The following RASSF9 variants were observed in gnomAD, a reference collection of about 807,000 sequenced individuals.
The protein encoded by RASSF9 is Ras association domain family member 9, also known as ras association domain-containing protein 9.
Under a neutral mutation model 21.4 loss-of-function variants are expected in RASSF9, and 18 were observed. The observed-to-expected ratio is 0.84, with a 90% CI of 0.58 to 1.25. RASSF9 has a LOEUF of 1.25. Among genes scored for constraint, RASSF9 ranks in the 50% most tolerant of loss-of-function variants. The pLI is 0.00. For missense variants in RASSF9, 480 were observed against 503.2 expected (o/e 0.95, Z 0.44); for synonymous variants, 183 against 179.1 (o/e 1.02, Z -0.18).
intron 1 of RASSF9, among the ~76,000 whole-genome samples, chr12:85,825,901 G>C (rs1880323344): frequency 6.6e-6 from 1 of 152,122 alleles, no homozygotes; most frequent in Non-Finnish European, 1.5e-5. Context: ...AAGGGTGACT[G>C]CCTTATGTGG....
chr12:85,833,157 G>A (rs1880487339), intron 1 of RASSF9, among the ~76,000 whole-genome samples: 1 of 151,766 alleles, frequency 6.6e-6, no homozygotes, highest in Non-Finnish European at 1.5e-5. Flanking sequence ...ATAATTATGT[G>A]TCCATCTCTT....
chr12:85,807,156 C>A (rs962712266), intron 1 of RASSF9, among the ~76,000 whole-genome samples: 9 of 152,104 alleles, frequency 5.9e-5, no homozygotes, highest in African/African-American at 2.2e-4. Context: ...TATCCATTAT[C>A]AAAAAGAGGC....
intron 1 of RASSF9, among the ~76,000 whole-genome samples, chr12:85,834,840 A>G (rs1033065608): frequency 3.3e-5 from 5 of 152,130 alleles, no homozygotes; most frequent in African/African-American, 1.2e-4. Context: ...ATATTTTAAA[A>G]TGCATTGTCA....
At position 85,803,589 on chromosome 12, in the gene RASSF9, A is replaced by G. The variant is rs1381963384; in HGVS notation, c.*1113T>C. ...GGAGAGAGAAGAAAGCACATTTCTAATTAAAACACAAGCATAGTAGGCCAT... is the reference window on the plus strand; with the variant it reads ...GGAGAGAGAAGAAAGCACATTTCTAGTTAAAACACAAGCATAGTAGGCCAT... On this transcript the variant is annotated 3_prime_UTR_variant, in exon 2 of 2. Transcript: ENST00000361228. 2 of 152,146 alleles carry G rather than the reference A, an allele frequency of 1.3e-5. No homozygotes were observed. The highest frequency in any genetic ancestry group is 4.8e-5 in the African/African-American group (2 of 41,422). 9.4% of individuals were successfully genotyped at this position (152,146 alleles called of 1,614,324 possible).
At position 85,801,787 on chromosome 12, in the gene RASSF9, C is replaced by T. The variant is rs1476923657; in HGVS notation, c.*2915G>A. 6.6e-6 allele frequency: 1 copy of T among 152,094 alleles called. No individual in the cohort carries two copies. The highest frequency in any genetic ancestry group is 2.4e-5 in the African/African-American group (1 of 41,350). The allele number at this position is 152,094 out of a possible 1,614,324, so 9.4% of individuals were successfully genotyped here. On this transcript the variant is annotated 3_prime_UTR_variant, in exon 2 of 2. Coordinates refer to ENST00000361228, the MANE Select transcript of RASSF9 (RefSeq NM_005447.4). ...CCAAGATCGCGCCACTGCACTCCAG[C>T]CTGGGCGACAGAGTGAGACTCCGTC... is the stretch of plus-strand genomic sequence containing the variant.
intron 1 of RASSF9, among the ~76,000 whole-genome samples, chr12:85,833,357 T>C (rs775843972): frequency 4.6e-5 from 7 of 151,950 alleles, no homozygotes; most frequent in Non-Finnish European, 1.0e-4. Context: ...TGGCAGGCAC[T>C]GTCCTGGACA....
At chr12:85,826,619 T>TCAC (rs1315944835) in intron 1 of RASSF9, among the ~76,000 whole-genome samples, 2 of 151,714 alleles carry the variant, frequency 1.3e-5, no homozygotes, top group African/African-American at 4.9e-5. Context: ...GGCTAATTTT[T>TCAC]TGTATTTTTA....
rs60760019 is a variant in RASSF9, at chr12:85,818,956, CAAAAAAAAAAA to C, written c.48-13005_48-12995del. 1.2e-3 allele frequency among the ~76,000 whole-genome samples: 82 copies of C among 66,608 alleles called. No individual in the cohort carries two copies. The South Asian group carries it at 0.033, about 27-fold the overall frequency. 43.7% of individuals were successfully genotyped at this position (66,608 alleles called of 152,430 possible). ...CCTGGGCGAGAGAGCGAGACTCCGT[CAAAAAAAAAAA>C]AAAAAAAAAAAAAGGAACTGTAAAA... On this transcript the variant is annotated intron_variant, in intron 1 of 1. Transcript: ENST00000361228.
At chr12:85,829,772 G>A (rs1197891400) in intron 1 of RASSF9, among the ~76,000 whole-genome samples, 1 of 152,020 alleles carries the variant, frequency 6.6e-6, no homozygotes, top group Non-Finnish European at 1.5e-5. Context: ...CATTTATTGA[G>A]CACCTACTCT....
intron 1 of RASSF9, among the ~76,000 whole-genome samples, chr12:85,832,421 G>C (rs975222239): frequency 6.6e-6 from 1 of 151,740 alleles, no homozygotes; most frequent in Non-Finnish European, 1.5e-5. Context: ...TAACATTCTA[G>C]TTATCTGAAC....
Position 85,805,732 on chromosome 12 carries a change from A to T in RASSF9, c.278T>A (p.Leu93Gln). ...TTTCCAAAGCTTCAGGATTCTAGTT[A>T]GTGGAGGAAGAACCCTTTCGGAGCC... ...WRGSERVLPP[L>Q]TRILKLWKAW... The change falls in exon 2 of 2, where the codon CTA becomes CAA. Residue 93 changes from leucine to glutamine, a missense_variant. Transcript: ENST00000361228. 1 of 1,613,918 alleles carries T rather than the reference A, an allele frequency of 6.2e-7. No individual in the cohort carries two copies. The highest frequency in any genetic ancestry group is 1.1e-5 in the South Asian group (1 of 91,086).
chr12:85,828,251 T>C (rs764110450), intron 1 of RASSF9, among the ~76,000 whole-genome samples: 37 of 152,228 alleles, frequency 2.4e-4, no homozygotes, highest in South Asian at 6.2e-4. Context: ...GAACATCATG[T>C]ATATTTTTTT....
chr12:85,823,902 ATT>A (rs1880270925), intron 1 of RASSF9, among the ~76,000 whole-genome samples: 1 of 152,146 alleles, frequency 6.6e-6, no homozygotes, highest in African/African-American at 2.4e-5. Flanking sequence ...CCAGCCACTA[ATT>A]TGGGGAGTGT....
chr12:85,820,692 G>A (rs1212081074), intron 1 of RASSF9, among the ~76,000 whole-genome samples: 2 of 152,082 alleles, frequency 1.3e-5, no homozygotes, highest in African/African-American at 4.8e-5. Flanking sequence ...ATGCTGATGG[G>A]ATCTCTTACA....
chr12:85,816,279 A>G (rs1468574381), intron 1 of RASSF9, among the ~76,000 whole-genome samples: 1 of 151,404 alleles, frequency 6.6e-6, no homozygotes, highest in African/African-American at 2.4e-5. Flanking sequence ...TATGTAACAA[A>G]CCTGCACTTG....
chr12:85,829,661 T>C (rs1009732926), intron 1 of RASSF9, among the ~76,000 whole-genome samples: 1 of 152,104 alleles, frequency 6.6e-6, no homozygotes, highest in Admixed American at 6.6e-5. Flanking sequence ...CTGTTGCCTG[T>C]GGGAGTTTAA....
chr12:85,810,625 A>G (rs1026755006), intron 1 of RASSF9, among the ~76,000 whole-genome samples: 3 of 152,046 alleles, frequency 2.0e-5, no homozygotes, highest in South Asian at 2.1e-4. Context: ...TCTGATATAA[A>G]TAAATATTTT....
In RASSF9 at chr12:85,816,029, C is replaced by T. The variant is rs536729387; in HGVS notation, c.48-10067G>A. ...ACAAGGATATGAATATAAATGGAGT[C>T]CATTATCCTGGGCAAACTAACAGAA... On this transcript the variant is annotated intron_variant, in intron 1 of 1. Transcript: ENST00000361228. Among the ~76,000 whole-genome samples the T allele has an allele frequency of 2.6e-5, 4 of 152,000 alleles. No individual in the cohort carries two copies. The South Asian group carries it at 8.3e-4, about 32-fold the overall frequency.
chr12:85,816,763 A>T (rs1008059412), intron 1 of RASSF9, among the ~76,000 whole-genome samples: 8 of 152,146 alleles, frequency 5.3e-5, no homozygotes, highest in Non-Finnish European at 1.0e-4. Context: ...TTTTCCATAA[A>T]AATTAAACTT....
Sources: gnomAD v4.1 joint callset for allele counts (sites outside exome capture counted in the v4.1 genomes callset) on GRCh38, gnomAD v4.1.1 for gene constraint, MANE v1.5 for transcripts, NCBI Gene and HGNC (gene_info 2026-07-23, HGNC 2026-07-21) for gene names.